ERBB4: variants seen among roughly 807,000 people sequenced by gnomAD.
ERBB4 encodes receptor tyrosine-protein kinase erbB-4.
In ERBB4, 42 loss-of-function variants were observed where a neutral mutation model predicts 158.0. That is an observed-to-expected ratio of 0.27 (90% CI 0.21 to 0.34). The LOEUF (loss-of-function observed/expected upper bound fraction) is 0.34. Ranked by LOEUF, ERBB4 falls within the 10% of genes least tolerant of loss-of-function variation. ERBB4 has a pLI of 1.00. For missense variants in ERBB4, 1,333 were observed against 1,624.1 expected (o/e 0.82, Z 3.08); for synonymous variants, 583 against 558.7 (o/e 1.04, Z -0.61).
At chr2:212,217,182 C>A (rs1417118029) in intron 1 of ERBB4, among the ~76,000 whole-genome samples, 1 of 151,326 alleles carries the variant, frequency 6.6e-6, no homozygotes, top group Non-Finnish European at 1.5e-5. Flanking sequence ...GCAATGGATA[C>A]TTGCTCTATT....
At chr2:211,396,193 G>A (rs1440867839) in intron 25 of ERBB4, among the ~76,000 whole-genome samples, 1 of 152,040 alleles carries the variant, frequency 6.6e-6, no homozygotes, top group African/African-American at 2.4e-5. Context: ...GCATACACAT[G>A]TATATGTATT....
rs938827159 is a variant in ERBB4 at position 211,380,785 on chromosome 2, T to C, written c.*2830A>G. ...ATGCATCTCTAGGTATTACCCAACATGTAGAAGTCTTGTGTTCTTAGGAGG... is the reference window on the plus strand; with the variant it reads ...ATGCATCTCTAGGTATTACCCAACACGTAGAAGTCTTGTGTTCTTAGGAGG... On this transcript the variant is annotated 3_prime_UTR_variant, in exon 28 of 28. Coordinates refer to ENST00000342788, the MANE Select transcript of ERBB4 (RefSeq NM_005235.3). 4.3e-6 allele frequency: 1 copy of C among 231,834 alleles called. No homozygotes were observed. The highest frequency in any genetic ancestry group is 2.2e-5 in the African/African-American group (1 of 45,280). The allele number at this position is 231,834 out of a possible 1,614,324, so 14.4% of individuals were successfully genotyped here.
chr2:212,048,358 G>C (rs2125389139), intron 2 of ERBB4, among the ~76,000 whole-genome samples: 1 of 152,316 alleles, frequency 6.6e-6, no homozygotes, highest in Admixed American at 6.5e-5. Context: ...TGTAAAGTAA[G>C]AATTGCAGGG....
chr2:211,917,330 C>T (rs765924717), intron 3 of ERBB4, among the ~76,000 whole-genome samples: 2 of 151,824 alleles, frequency 1.3e-5, no homozygotes, highest in South Asian at 2.1e-4. Context: ...AAAAAAATGA[C>T]GTATTTTCCC....
chr2:212,320,897 A>T (rs1328193395), intron 1 of ERBB4, among the ~76,000 whole-genome samples: 1 of 150,302 alleles, frequency 6.7e-6, no homozygotes, highest in African/African-American at 2.4e-5. Flanking sequence ...ACTTGACTCC[A>T]AAGTCTTGTT....
At chr2:211,727,062 G>A (rs1470774075) in intron 5 of ERBB4, among the ~76,000 whole-genome samples, 1 of 152,144 alleles carries the variant, frequency 6.6e-6, no homozygotes, top group East Asian at 1.9e-4. Context: ...GCTCCAAGCT[G>A]AGTTATTTTC....
At chr2:211,997,566 A>G (rs1231331848) in intron 2 of ERBB4, among the ~76,000 whole-genome samples, 1 of 152,074 alleles carries the variant, frequency 6.6e-6, no homozygotes, top group Non-Finnish European at 1.5e-5. Flanking sequence ...AGTCATAATT[A>G]TATGTTTATT....
At chr2:212,125,452 G>A (rs201750870) in intron 1 of ERBB4, among the ~76,000 whole-genome samples, 1 of 152,044 alleles carries the variant, frequency 6.6e-6, no homozygotes, top group Non-Finnish European at 1.5e-5. Flanking sequence ...GGGTACATAC[G>A]CAGGCTTGTT....
chr2:211,731,904 G>C (rs547400480), intron 5 of ERBB4, among the ~76,000 whole-genome samples: 7 of 152,250 alleles, frequency 4.6e-5, no homozygotes, highest in African/African-American at 1.7e-4. Context: ...TGTGTGTCCA[G>C]GGCCAGGTAG....
chr2:211,981,215 A>T (rs139700625), intron 2 of ERBB4, among the ~76,000 whole-genome samples: 59 of 152,244 alleles, frequency 3.9e-4, no homozygotes, highest in Middle Eastern at 3.4e-3. Flanking sequence ...ACTCTTCCCT[A>T]AGAGCACCAC....
intron 20 of ERBB4, among the ~76,000 whole-genome samples, chr2:211,470,072 T>C (rs943849847): frequency 6.6e-6 from 1 of 152,084 alleles, no homozygotes; most frequent in African/African-American, 2.4e-5. Flanking sequence ...AATTAACAAT[T>C]AATCCCTCCT....
chr2:212,186,910 C>A (rs2082031371), intron 1 of ERBB4, among the ~76,000 whole-genome samples: 1 of 152,124 alleles, frequency 6.6e-6, no homozygotes, highest in Non-Finnish European at 1.5e-5. Flanking sequence ...ATTTTCTTTT[C>A]ATATTCCTCT....
chr2:212,163,653 C>T lies in ERBB4; in HGVS notation c.83-38750G>A, dbSNP rs10169518. On this transcript the variant is annotated intron_variant, in intron 1 of 27. Transcript: ENST00000342788. Reference sequence around the variant, plus strand: ...AAAATTGAAGCAATTCAGCATTGTGCCTTTCCTGTCACTGGAGTTCTACCA... The same window carrying T: ...AAAATTGAAGCAATTCAGCATTGTGTCTTTCCTGTCACTGGAGTTCTACCA... Among the ~76,000 whole-genome samples, 1,439 of 152,134 alleles carry T rather than the reference C, an allele frequency of 9.5e-3. 17 individuals are homozygous for T. Among genetic ancestry groups the T allele is most frequent in the African/African-American group, 0.033 (1,359 of 41,506 alleles).
At chr2:212,191,353 C>A (rs927539366) in intron 1 of ERBB4, among the ~76,000 whole-genome samples, 2 of 151,866 alleles carry the variant, frequency 1.3e-5, no homozygotes, top group African/African-American at 4.8e-5. Flanking sequence ...AATGTTACTG[C>A]AAATGAGTTT....
intron 3 of ERBB4, among the ~76,000 whole-genome samples, chr2:211,889,271 A>G (rs2078898265): frequency 7.0e-6 from 1 of 143,386 alleles, no homozygotes; most frequent in Non-Finnish European, 1.5e-5. Context: ...ACTGGGAGGC[A>G]CCCCCCAGCC....
chr2:212,136,779 G>C (rs1409040505), intron 1 of ERBB4, among the ~76,000 whole-genome samples: 1 of 152,142 alleles, frequency 6.6e-6, no homozygotes, highest in Non-Finnish European at 1.5e-5. Flanking sequence ...AGAAAAGTCT[G>C]TGAATGTTAG....
At chr2:212,395,437 G>A (rs972035447) in intron 1 of ERBB4, among the ~76,000 whole-genome samples, 13 of 151,774 alleles carry the variant, frequency 8.6e-5, no homozygotes, top group African/African-American at 1.2e-4. Flanking sequence ...GGTGTGTCAC[G>A]TAAAGGATAC....
chr2:211,862,237 C>T (rs62184498), intron 3 of ERBB4, among the ~76,000 whole-genome samples: 8,574 of 152,074 alleles, frequency 0.056, 316 homozygotes, highest in South Asian at 0.1. Flanking sequence ...ACATATTTAT[C>T]GGCTAAAGGG....
chr2:211,482,762 G>A lies in ERBB4; in HGVS notation c.2488-51662C>T, dbSNP rs576385163. On this transcript the variant is annotated intron_variant, in intron 20 of 27. Coordinates refer to ENST00000342788, the MANE Select transcript of ERBB4 (RefSeq NM_005235.3). ...CTCTACTAAAAATACAAAAATAGCC[G>A]GGCGTGGTGGCACATGTCTGTAATC... Among the ~76,000 whole-genome samples, 71 of 152,038 alleles carry A rather than the reference G, an allele frequency of 4.7e-4. No individual in the cohort carries two copies. In the South Asian group the frequency reaches 0.012, roughly 26 times the overall value.
Sources: allele counts gnomAD v4.1 joint callset (sites outside exome capture counted in the v4.1 genomes callset), GRCh38; gene constraint gnomAD v4.1.1; transcripts MANE v1.5; gene names NCBI Gene and HGNC (gene_info 2026-07-23, HGNC 2026-07-21).